UTRN: variants seen among roughly 807,000 people sequenced by gnomAD.
The protein encoded by UTRN is dystrophin-related protein 1.
In UTRN, 283 loss-of-function variants were observed where a neutral mutation model predicts 463.9. The ratio of observed to expected loss-of-function variants is 0.61; its 90% confidence interval spans 0.55 to 0.67. The LOEUF is 0.67. UTRN is among the 30% of genes least tolerant of loss of function. UTRN has a pLI of 0.00. For missense variants in UTRN, 3,922 were observed against 4,084.3 expected, an observed-to-expected ratio of 0.96 and a Z score of 1.08; for synonymous variants, 1,442 against 1,431.5, an observed-to-expected ratio of 1.01 and a Z score of -0.17.
intron 51 of UTRN, among the ~76,000 whole-genome samples, chr6:144,592,179 G>A (rs1458780588): frequency 6.6e-6 from 1 of 151,924 alleles, no homozygotes; most frequent in African/African-American, 2.4e-5. Context: ...ATTCTATTGA[G>A]TGGCTGCACC....
At chr6:144,630,474 G>A (rs1236819567) in intron 51 of UTRN, among the ~76,000 whole-genome samples, 1 of 152,158 alleles carries the variant, frequency 6.6e-6, no homozygotes, top group African/African-American at 2.4e-5. Context: ...CATGGCGGTG[G>A]GCCAGAGAGT....
intron 50 of UTRN, among the ~76,000 whole-genome samples, chr6:144,565,733 T>C (rs1800344047): frequency 1.3e-5 from 2 of 152,182 alleles, no homozygotes; most frequent in Non-Finnish European, 2.9e-5. Flanking sequence ...TTCCACAGCT[T>C]GGACATTCCT....
intron 51 of UTRN, among the ~76,000 whole-genome samples, chr6:144,646,095 T>G (rs1778274182): frequency 6.6e-6 from 1 of 152,218 alleles, no homozygotes; most frequent in Non-Finnish European, 1.5e-5. Flanking sequence ...CCTTCGATTT[T>G]ACTGTATACT....
chr6:144,428,907 T>C lies in UTRN; in HGVS notation c.694+14T>C. On this transcript the variant is annotated intron_variant, in intron 8 of 74. Coordinates refer to ENST00000367545, the MANE Select transcript of UTRN (RefSeq NM_007124.3). Reference sequence around the variant, plus strand: ...TAGATCCTGAAGGTATTGTCCAGTATTTAATTTCCACCTTGATTTTGCTTT... The same window carrying C: ...TAGATCCTGAAGGTATTGTCCAGTACTTAATTTCCACCTTGATTTTGCTTT... 1 of 1,532,796 alleles carries C rather than the reference T, an allele frequency of 6.5e-7. No homozygotes were observed. The allele number at this position is 1,532,796 out of a possible 1,614,324, so 94.9% of individuals were successfully genotyped here.
chr6:144,386,248 GC>G (rs765160036), intron 2 of UTRN, among the ~76,000 whole-genome samples: 6 of 152,034 alleles, frequency 3.9e-5, no homozygotes, highest in Non-Finnish European at 8.8e-5. Context: ...GACTGCTTGA[GC>G]CCCGGAGTTC....
At chr6:144,624,465 G>A (rs1203586898) in intron 51 of UTRN, among the ~76,000 whole-genome samples, 1 of 152,204 alleles carries the variant, frequency 6.6e-6, no homozygotes, top group East Asian at 1.9e-4. Context: ...AAAAGCAGAA[G>A]TAGATGTGGG....
chr6:144,851,257 G>T lies in UTRN; in HGVS notation c.*260G>T. The T allele has an allele frequency of 1.9e-6, 1 of 530,204 alleles. No individual in the cohort carries two copies. The highest frequency in any genetic ancestry group is 3.4e-6 in the Non-Finnish European group (1 of 296,948). 32.8% of individuals were successfully genotyped at this position (530,204 alleles called of 1,614,324 possible). A position where few individuals can be genotyped will look rare whatever the true frequency, so the allele number is the denominator to read the frequency against. On this transcript the variant is annotated 3_prime_UTR_variant, in exon 75 of 75. Transcript: ENST00000367545. The stretch of plus-strand genomic sequence containing the variant: ...AAATTAATGAACAGAGAGGTATTTG[G>T]AAATGGTAATACATTTGTCACGGAT...
intron 25 of UTRN, among the ~76,000 whole-genome samples, chr6:144,478,094 T>A (rs114553586): frequency 0.028 from 4,328 of 152,306 alleles, 202 homozygotes; most frequent in African/African-American, 0.098. Context: ...TGAAGTAGTT[T>A]TGGACAAACA....
At position 144,827,614 on chromosome 6, in the gene UTRN, C is replaced by T. The variant is rs752601858; in HGVS notation, c.9537C>T (p.Pro3179=). 9 of 1,613,324 alleles carry T rather than the reference C, an allele frequency of 5.6e-6. No homozygotes were observed. The Admixed American group carries it at 6.7e-5, about 12-fold the overall frequency. Reference sequence around the variant, plus strand: ...GCTTTGTTTTTTTCTTTTAAAGCCCCTCACAATCTCCTCAACTGTTTCATG... The same window carrying T: ...GCTTTGTTTTTTTCTTTTAAAGCCCTTCACAATCTCCTCAACTGTTTCATG... ...LISMWPEHYD[P]SQSPQLFHDD... The change falls in exon 68 of 75, where the codon CCC becomes CCT. Residue 3179 remains proline (P), a synonymous_variant. Transcript: ENST00000367545.
chr6:144,707,941 A>G (rs1368359347), intron 53 of UTRN, among the ~76,000 whole-genome samples: 1 of 152,200 alleles, frequency 6.6e-6, no homozygotes, highest in African/African-American at 2.4e-5. Flanking sequence ...AGATTTTAAT[A>G]TAATAAGAGT....
At position 144,426,440 on chromosome 6, in the gene UTRN, G is replaced by A; in HGVS notation, c.559G>A (p.Ala187Thr). The A allele has an allele frequency of 6.2e-7, 1 of 1,613,932 alleles. No homozygotes were observed. Among genetic ancestry groups the A allele is most frequent in the Non-Finnish European group, 8.5e-7 (1 of 1,179,948 alleles). The part of the protein sequence containing the change: ...TSWTDGLAFN[A>T]VLHRHKPDLF... ...CTGGACAGATGGACTCGCCTTTAAT[G>A]CTGTCCTCCACCGACATAAGTGAGA... The change falls in exon 7 of 75, where the codon GCT becomes ACT. Residue 187 changes from alanine (A) to threonine (T), a missense_variant. By Grantham distance (58) the Ala-to-Thr change is moderately conservative. Around this residue, in one of 3 missense-constraint regions of UTRN, gnomAD observed 264 missense variants for 327.9 expected, o/e 0.81. Coordinates refer to ENST00000367545, the MANE Select transcript of UTRN (RefSeq NM_007124.3).
At chr6:144,812,120 A>T (rs1586672774) in intron 65 of UTRN, among the ~76,000 whole-genome samples, 1 of 152,280 alleles carries the variant, frequency 6.6e-6, no homozygotes. Context: ...AGTTGTGGGG[A>T]GAATTAAAAC....
chr6:144,449,224 C>T (rs1428083607), intron 17 of UTRN, among the ~76,000 whole-genome samples: 1 of 152,200 alleles, frequency 6.6e-6, no homozygotes, highest in Non-Finnish European at 1.5e-5. Context: ...TTTATATCTT[C>T]TGTCTGCTCT....
At chr6:144,813,409 G>T (rs1445089033) in intron 65 of UTRN, among the ~76,000 whole-genome samples, 1 of 151,962 alleles carries the variant, frequency 6.6e-6, no homozygotes, top group South Asian at 2.1e-4. Flanking sequence ...GGATGATCTC[G>T]ATCTCCTGAC....
chr6:144,297,923 A>T (rs1018773201), intron 2 of UTRN, among the ~76,000 whole-genome samples: 1 of 152,206 alleles, frequency 6.6e-6, no homozygotes, highest in Non-Finnish European at 1.5e-5. Context: ...ATATAGACAG[A>T]ACAGAGAACT....
intron 58 of UTRN, among the ~76,000 whole-genome samples, chr6:144,768,192 TAC>T (rs758732530): frequency 6.6e-6 from 1 of 152,228 alleles, no homozygotes; most frequent in Non-Finnish European, 1.5e-5. Flanking sequence ...TTGTTGGTGC[TAC>T]AGTCTTATAT....
chr6:144,784,734 T>C (rs1776156519), intron 61 of UTRN, among the ~76,000 whole-genome samples: 1 of 152,214 alleles, frequency 6.6e-6, no homozygotes, highest in Non-Finnish European at 1.5e-5. Context: ...AGTTAAATGT[T>C]GGCACAGTTC....
At chr6:144,817,926 A>G (rs914106154) in intron 65 of UTRN, among the ~76,000 whole-genome samples, 2 of 152,202 alleles carry the variant, frequency 1.3e-5, no homozygotes, top group African/African-American at 2.4e-5. Flanking sequence ...AATAACTACT[A>G]TAACTTTTGG....
chr6:144,554,788 C>T lies in UTRN; in HGVS notation c.7029C>T (p.Asp2343=). The change falls in exon 49 of 75, where the codon GAC becomes GAT. Residue 2343 remains aspartate (D), a synonymous_variant. Coordinates refer to ENST00000367545, the MANE Select transcript of UTRN (RefSeq NM_007124.3). ...TTATTGACAGTCTTCAGTGGGATGA[C>T]CATAGGGAGGAGACTGAAGAACTGA... ...DMIIDSLQWD[D]HREETEELMR... is the part of the protein sequence containing the mutation. 1 of 1,613,860 alleles carries T rather than the reference C, an allele frequency of 6.2e-7. No homozygotes were observed. Among genetic ancestry groups the T allele is most frequent in the Non-Finnish European group, 8.5e-7 (1 of 1,179,958 alleles).
Sources: gnomAD v4.1 joint callset for allele counts (sites outside exome capture counted in the v4.1 genomes callset) on GRCh38, gnomAD v4.1.1 for gene constraint, gnomAD v4.1.1 regional missense constraint, MANE v1.5 for transcripts, NCBI Gene and HGNC (gene_info 2026-07-23, HGNC 2026-07-21) for gene names.